The following B3GALT1 variants were observed in gnomAD, a reference collection of about 807,000 sequenced individuals.
B3GALT1 encodes UDP-Gal:betaGlcNAc beta 1,3-galactosyltransferase, polypeptide 1.
A neutral mutation model predicts 23.2 loss-of-function variants in B3GALT1; 10 were observed. The ratio of observed to expected loss-of-function variants is 0.43; its 90% CI spans 0.27 to 0.73. The LOEUF is 0.73. B3GALT1 is among the 30% of genes least tolerant of loss of function. The probability of loss-of-function intolerance (pLI) is 0.21; values close to 1 mark genes in which losing one functional copy is unlikely to be tolerated. For missense variants in B3GALT1, 299 were observed against 405.4 expected (o/e 0.74, Z 2.25); for synonymous variants, 156 against 141.5 (o/e 1.10, Z -0.73).
At chr2:167,676,050 C>G (rs1686418483) in intron 3 of B3GALT1, among the ~76,000 whole-genome samples, 1 of 151,944 alleles carries the variant, frequency 6.6e-6, no homozygotes, top group Admixed American at 6.6e-5. Flanking sequence ...ACTATTTCCA[C>G]CCTGTGTTGG....
At chr2:167,513,006 A>G (rs1700049449) in intron 2 of B3GALT1, among the ~76,000 whole-genome samples, 1 of 146,382 alleles carries the variant, frequency 6.8e-6, no homozygotes, top group South Asian at 2.1e-4. Context: ...ATATATTTAC[A>G]TTCAGTGAGA....
intron 2 of B3GALT1, among the ~76,000 whole-genome samples, chr2:167,625,657 A>G (rs1183183190): frequency 6.6e-6 from 1 of 151,700 alleles, no homozygotes; most frequent in Non-Finnish European, 1.5e-5. Flanking sequence ...GATTCGTGTT[A>G]CAATTAACCG....
chr2:167,557,677 T>C (rs754991244), intron 2 of B3GALT1, among the ~76,000 whole-genome samples: 11 of 152,304 alleles, frequency 7.2e-5, no homozygotes, highest in Non-Finnish European at 1.5e-4. Flanking sequence ...GTATAATATG[T>C]TTTTCTTGGT....
chr2:167,689,141 A>C (rs1210603250), intron 3 of B3GALT1, among the ~76,000 whole-genome samples: 1 of 3,680 alleles, frequency 2.7e-4, no homozygotes, highest in Admixed American at 2.2e-3. Flanking sequence ...CAAAAAGACC[A>C]AAAAAAAAAA....
intron 3 of B3GALT1, among the ~76,000 whole-genome samples, chr2:167,804,777 C>A (rs528782863): frequency 1.1e-3 from 162 of 152,092 alleles, no homozygotes; most frequent in African/African-American, 3.8e-3. Flanking sequence ...AATAGTGCCG[C>A]AATAAACATA....
chr2:167,576,678 A>T (rs1684395049), intron 2 of B3GALT1, among the ~76,000 whole-genome samples: 1 of 151,582 alleles, frequency 6.6e-6, no homozygotes, highest in Non-Finnish European at 1.5e-5. Flanking sequence ...AAATTATCAG[A>T]GGAGCAGTGT....
chr2:167,333,380 A>C (rs545649941), intron 1 of B3GALT1, among the ~76,000 whole-genome samples: 4 of 152,318 alleles, frequency 2.6e-5, no homozygotes, highest in African/African-American at 9.6e-5. Context: ...CACCAGGAGA[A>C]TTGGTCAAAA....
intron 1 of B3GALT1, among the ~76,000 whole-genome samples, chr2:167,337,983 A>T (rs956746502): frequency 5.9e-5 from 9 of 152,142 alleles, no homozygotes; most frequent in Non-Finnish European, 1.3e-4. Flanking sequence ...CAGCTCTGAA[A>T]ACCAAGTGGT....
chr2:167,606,859 A>T (rs1684969956), intron 2 of B3GALT1, among the ~76,000 whole-genome samples: 2 of 152,184 alleles, frequency 1.3e-5, no homozygotes, highest in Admixed American at 1.3e-4. Context: ...AAGGATTTTG[A>T]AATAAGAACT....
intron 3 of B3GALT1, among the ~76,000 whole-genome samples, chr2:167,696,002 G>A (rs1686786642): frequency 6.6e-6 from 1 of 152,040 alleles, no homozygotes; most frequent in Non-Finnish European, 1.5e-5. Context: ...TGGCTAGAAT[G>A]CAAGCACATG....
intron 2 of B3GALT1, among the ~76,000 whole-genome samples, chr2:167,605,493 C>T (rs534765030): frequency 6.6e-6 from 1 of 152,096 alleles, no homozygotes; most frequent in Non-Finnish European, 1.5e-5. Context: ...GCATGTCAAC[C>T]CGAGTGCCTT....
intron 1 of B3GALT1, among the ~76,000 whole-genome samples, chr2:167,453,712 G>T (rs963026537): frequency 6.6e-6 from 1 of 152,204 alleles, no homozygotes; most frequent in African/African-American, 2.4e-5. Context: ...TAAGAAAATG[G>T]TTGACCAAGA....
intron 4 of B3GALT1, among the ~76,000 whole-genome samples, chr2:167,831,213 A>G (rs1689345513): frequency 6.6e-6 from 1 of 152,216 alleles, no homozygotes; most frequent in South Asian, 2.1e-4. Context: ...AGTTCTCAAC[A>G]GTGCCCTTTA....
At chr2:167,583,099 C>T (rs746477661) in intron 2 of B3GALT1, among the ~76,000 whole-genome samples, 8 of 152,224 alleles carry the variant, frequency 5.3e-5, no homozygotes, top group Non-Finnish European at 1.0e-4. Context: ...AACTCCTCTG[C>T]TCTCAGTGTT....
chr2:167,593,050 A>G (rs896126103), intron 2 of B3GALT1, among the ~76,000 whole-genome samples: 1 of 152,238 alleles, frequency 6.6e-6, no homozygotes, highest in East Asian at 1.9e-4. Flanking sequence ...TATAACTAGC[A>G]TAACCTCTTT....
At chr2:167,362,121 T>G (rs886160820) in intron 1 of B3GALT1, among the ~76,000 whole-genome samples, 1 of 152,136 alleles carries the variant, frequency 6.6e-6, no homozygotes, top group South Asian at 2.1e-4. Flanking sequence ...AAATTACCTG[T>G]CATGGTAGCA....
intron 1 of B3GALT1, among the ~76,000 whole-genome samples, chr2:167,377,085 T>G (rs942598337): frequency 1.3e-5 from 2 of 152,154 alleles, no homozygotes; most frequent in Admixed American, 1.3e-4. Context: ...ATTCCTTGAT[T>G]TTGTTGTTTA....
At chr2:167,337,496 C>A (rs764734628) in intron 1 of B3GALT1, among the ~76,000 whole-genome samples, 8 of 152,022 alleles carry the variant, frequency 5.3e-5, no homozygotes, top group Non-Finnish European at 1.2e-4. Context: ...TTTCTAGCAA[C>A]AACTTTAGCA....
chr2:167,788,952 C>T (rs1688387051), intron 3 of B3GALT1, among the ~76,000 whole-genome samples: 1 of 152,026 alleles, frequency 6.6e-6, no homozygotes. Flanking sequence ...ATATTTTCTC[C>T]CAGGCAGAGG....
Sources: gnomAD v4.1 joint callset for allele counts (sites outside exome capture counted in the v4.1 genomes callset) on GRCh38, gnomAD v4.1.1 for gene constraint, MANE v1.5 for transcripts, NCBI Gene and HGNC (gene_info 2026-07-23, HGNC 2026-07-21) for gene names.